The following MARCHF11 variants were observed in gnomAD, a reference collection of about 807,000 sequenced individuals.
MARCHF11 encodes the protein membrane associated ring-CH-type finger 11, also known as E3 ubiquitin-protein ligase MARCHF11.
Under a neutral mutation model 37.3 loss-of-function variants are expected in MARCHF11, and 29 were observed. That is an observed-to-expected ratio of 0.78 (90% CI 0.58 to 1.06). The LOEUF is 1.06. MARCHF11 is among the 50% of genes least tolerant of loss of function. The pLI is 0.00. For synonymous variants in MARCHF11, 233 were observed against 228.0 expected (o/e 1.02, Z -0.20); for missense variants, 482 against 533.4 (o/e 0.90, Z 0.95).
chr5:16,099,107 A>G (rs978272630), intron 2 of MARCHF11, among the ~76,000 whole-genome samples: 1 of 152,222 alleles, frequency 6.6e-6, no homozygotes, highest in Non-Finnish European at 1.5e-5. Flanking sequence ...GAAAAGAAAA[A>G]TATAGATGTG....
chr5:16,135,178 T>C (rs1737587664), intron 2 of MARCHF11, among the ~76,000 whole-genome samples: 1 of 152,186 alleles, frequency 6.6e-6, no homozygotes, highest in Non-Finnish European at 1.5e-5. Flanking sequence ...GCTGTATGAA[T>C]TCAGACTGGC....
intron 2 of MARCHF11, among the ~76,000 whole-genome samples, chr5:16,096,239 A>G (rs1736866570): frequency 6.6e-6 from 1 of 152,248 alleles, no homozygotes; most frequent in Non-Finnish European, 1.5e-5. Context: ...AAGCAGTCCA[A>G]CAAAGTTCCA....
At chr5:16,083,772 T>A (rs1736650173) in intron 3 of MARCHF11, among the ~76,000 whole-genome samples, 1 of 152,210 alleles carries the variant, frequency 6.6e-6, no homozygotes, top group Non-Finnish European at 1.5e-5. Context: ...GGATTAGAAT[T>A]TTTTTCTTTA....
In MARCHF11 at chr5:16,162,786, C is replaced by G. The variant is rs141670669; in HGVS notation, c.693+14940G>C. On this transcript the variant is annotated intron_variant, in intron 2 of 3. Coordinates refer to ENST00000332432, the MANE Select transcript of MARCHF11 (RefSeq NM_001102562.3). ...ATGGATGAACAAATAAATGAATACA[C>G]AGCAAATCCAAAATATAACACAATT... 2.1e-3 allele frequency among the ~76,000 whole-genome samples: 320 copies of G among 152,030 alleles called. 1 individual carries two copies. The highest frequency in any genetic ancestry group is 7.3e-3 in the African/African-American group (304 of 41,506).
chr5:16,140,848 TA>T (rs1336756312), intron 2 of MARCHF11, among the ~76,000 whole-genome samples: 2 of 152,330 alleles, frequency 1.3e-5, no homozygotes, highest in Admixed American at 1.3e-4. Flanking sequence ...TATTAAAATG[TA>T]AAGTTTATAC....
At chr5:16,172,020 C>T (rs1444326054) in intron 2 of MARCHF11, among the ~76,000 whole-genome samples, 3 of 152,174 alleles carry the variant, frequency 2.0e-5, no homozygotes, top group Non-Finnish European at 2.9e-5. Context: ...CTATAGGGTA[C>T]ATGTTGTCCC....
intron 2 of MARCHF11, among the ~76,000 whole-genome samples, chr5:16,169,516 A>T (rs1021104973): frequency 2.0e-5 from 3 of 152,142 alleles, no homozygotes; most frequent in Non-Finnish European, 4.4e-5. Flanking sequence ...GGAAGGATGG[A>T]ATAAGAAATG....
intron 2 of MARCHF11, among the ~76,000 whole-genome samples, chr5:16,095,638 C>T (rs1362658056): frequency 6.6e-6 from 1 of 152,226 alleles, no homozygotes; most frequent in East Asian, 1.9e-4. Flanking sequence ...TTCAACTGAT[C>T]CATCTGTCCA....
intron 2 of MARCHF11, among the ~76,000 whole-genome samples, chr5:16,159,317 A>AATTG (rs1467862196): frequency 6.6e-6 from 1 of 151,960 alleles, no homozygotes; most frequent in East Asian, 1.9e-4. Flanking sequence ...CCCACAGTTA[A>AATTG]ATTGATTTTC....
At chr5:16,099,109 A>G (rs2126562152) in intron 2 of MARCHF11, among the ~76,000 whole-genome samples, 1 of 152,332 alleles carries the variant, frequency 6.6e-6, no homozygotes, top group East Asian at 1.9e-4. Context: ...AAAGAAAAAT[A>G]TAGATGTGAA....
chr5:16,119,085 G>C (rs1737268683), intron 2 of MARCHF11, among the ~76,000 whole-genome samples: 1 of 152,136 alleles, frequency 6.6e-6, no homozygotes, highest in South Asian at 2.1e-4. Flanking sequence ...AAGAGTGACA[G>C]GGCGCAGTGG....
chr5:16,179,039 C>A lies in MARCHF11; in HGVS notation c.537G>T (p.Gln179His). The A allele has an allele frequency of 6.8e-7, 1 of 1,474,648 alleles. No homozygotes were observed. Among genetic ancestry groups the A allele is most frequent in the Non-Finnish European group, 8.9e-7 (1 of 1,118,878 alleles). 91.3% of individuals were successfully genotyped at this position (1,474,648 alleles called of 1,614,324 possible). Residue 179 changes from glutamine to histidine, a missense_variant and splice_region_variant, in exon 1 of 4, where the codon CAG becomes CAT. Transcript: ENST00000332432. ...ICKICFQGAE[Q>H]GELLNPCRCD... ...GCCTCGGGGTCTCGCCGGGCCTTAC[C>A]TGCTCCGCGCCCTGGAAGCAGATCT...
intron 2 of MARCHF11, among the ~76,000 whole-genome samples, chr5:16,155,406 T>C (rs1005602145): frequency 1.3e-5 from 2 of 151,848 alleles, no homozygotes; most frequent in African/African-American, 2.4e-5. Context: ...TTTACCCTAT[T>C]GGTATCTGTA....
intron 3 of MARCHF11, among the ~76,000 whole-genome samples, chr5:16,071,721 A>C (rs1412323779): frequency 1.3e-5 from 2 of 152,126 alleles, no homozygotes; most frequent in Non-Finnish European, 2.9e-5. Flanking sequence ...GTATGATCAA[A>C]TACAAACAAA....
intron 2 of MARCHF11, among the ~76,000 whole-genome samples, chr5:16,174,712 G>C (rs1226116910): frequency 6.6e-6 from 1 of 152,152 alleles, no homozygotes; most frequent in Non-Finnish European, 1.5e-5. Flanking sequence ...TCAGAGTGCT[G>C]GAAGGGAAGT....
At chr5:16,162,770 C>A (rs1579421176) in intron 2 of MARCHF11, among the ~76,000 whole-genome samples, 1 of 151,792 alleles carries the variant, frequency 6.6e-6, no homozygotes, top group African/African-American at 2.4e-5. Context: ...AATGGATGAA[C>A]AAATAAATGA....
At chr5:16,178,390 A>G (rs1738400317) in intron 1 of MARCHF11, among the ~76,000 whole-genome samples, 1 of 152,180 alleles carries the variant, frequency 6.6e-6, no homozygotes, top group South Asian at 2.1e-4. Flanking sequence ...TTCTCAGACC[A>G]CACATTTGTA....
chr5:16,089,049 C>T (rs1736746577), intron 3 of MARCHF11, among the ~76,000 whole-genome samples: 1 of 151,616 alleles, frequency 6.6e-6, no homozygotes, highest in Non-Finnish European at 1.5e-5. Context: ...TAATATTAGT[C>T]ATCAAAATTT....
chr5:16,091,538 T>C (rs1736791329), intron 2 of MARCHF11, among the ~76,000 whole-genome samples: 1 of 152,136 alleles, frequency 6.6e-6, no homozygotes, highest in African/African-American at 2.4e-5. Context: ...AAAAAGCAAA[T>C]AAGTTATATA....
Sources: gnomAD v4.1 joint callset for allele counts (sites outside exome capture counted in the v4.1 genomes callset) on GRCh38, gnomAD v4.1.1 for gene constraint, MANE v1.5 for transcripts, NCBI Gene and HGNC (gene_info 2026-07-23, HGNC 2026-07-21) for gene names.